PPARGC1A: variants seen among roughly 807,000 people sequenced by gnomAD.
The protein encoded by PPARGC1A is peroxisome proliferator-activated receptor gamma coactivator 1-alpha.
A neutral mutation model predicts 88.7 loss-of-function variants in PPARGC1A; 25 were observed. The ratio of observed to expected loss-of-function variants is 0.28; its 90% CI spans 0.21 to 0.39. The LOEUF is 0.39. Ranked by LOEUF, PPARGC1A falls within the 10% of genes least tolerant of loss-of-function variation. PPARGC1A has a pLI of 1.00. For synonymous variants in PPARGC1A, 363 were observed against 355.6 expected (o/e 1.02, Z -0.24); for missense variants, 880 against 968.7 (o/e 0.91, Z 1.22).
At chr4:24,286,954 G>A in the PPARGC1A span, among the ~76,000 whole-genome samples, 2 of 152,122 alleles carry the variant, frequency 1.3e-5, no homozygotes, top group African/African-American at 4.8e-5. Flanking sequence ...AAGAGAAAGA[G>A]ATCTTAAGAA....
chr4:24,318,342 G>A, the PPARGC1A span, among the ~76,000 whole-genome samples: 1 of 152,198 alleles, frequency 6.6e-6, no homozygotes, highest in Non-Finnish European at 1.5e-5. Flanking sequence ...AGGTCTCTGA[G>A]ACCATCTGTG....
the PPARGC1A span, among the ~76,000 whole-genome samples, chr4:24,225,733 T>C: frequency 6.6e-6 from 1 of 151,820 alleles, no homozygotes; most frequent in Non-Finnish European, 1.5e-5. Flanking sequence ...GGTGCTGAGA[T>C]GGGAAAGGCT....
At chr4:24,467,436 A>C in the PPARGC1A span, among the ~76,000 whole-genome samples, 1 of 152,216 alleles carries the variant, frequency 6.6e-6, no homozygotes, top group Non-Finnish European at 1.5e-5. Context: ...TTGAACTTTG[A>C]GGTATTGGCT....
chr4:24,286,575 A>T, the PPARGC1A span, among the ~76,000 whole-genome samples: 1 of 152,180 alleles, frequency 6.6e-6, no homozygotes, highest in African/African-American at 2.4e-5. Flanking sequence ...AAGCCCAAGG[A>T]CCAGCCAACG....
the PPARGC1A span, among the ~76,000 whole-genome samples, chr4:24,175,325 G>A: frequency 6.7e-6 from 1 of 149,922 alleles, no homozygotes; most frequent in Non-Finnish European, 1.5e-5. Context: ...CAACCATTGA[G>A]CTTACTCTGA....
the PPARGC1A span, among the ~76,000 whole-genome samples, chr4:24,250,206 T>C: frequency 2.0e-5 from 3 of 152,220 alleles, no homozygotes; most frequent in African/African-American, 4.8e-5. Flanking sequence ...AGGAACTCTG[T>C]AATTATCACA....
the PPARGC1A span, among the ~76,000 whole-genome samples, chr4:24,443,327 A>C: frequency 6.6e-6 from 1 of 151,458 alleles, no homozygotes; most frequent in Admixed American, 6.6e-5. Context: ...GGTCCAGTCC[A>C]GTGACCAGTG....
At chr4:24,252,806 A>G in the PPARGC1A span, among the ~76,000 whole-genome samples, 1 of 152,366 alleles carries the variant, frequency 6.6e-6, no homozygotes, top group Admixed American at 6.5e-5. Context: ...TTTGTAGGAC[A>G]GATACCTTAT....
intron 7 of PPARGC1A, 102 bp downstream of exon 7, chr4:23,824,178 T>C (rs1268410032): frequency 6.4e-6 from 6 of 934,552 alleles, no homozygotes; most frequent in Admixed American, 2.2e-5. Context: ...TATTCTTTGT[T>C]AATTTCATTA....
chr4:24,209,446 A>G, the PPARGC1A span, among the ~76,000 whole-genome samples: 4 of 152,196 alleles, frequency 2.6e-5, no homozygotes, highest in African/African-American at 9.6e-5. Flanking sequence ...AGCTGTGCAT[A>G]GGCTGCTACT....
the PPARGC1A span, among the ~76,000 whole-genome samples, chr4:24,150,427 G>C: frequency 6.6e-6 from 1 of 152,140 alleles, no homozygotes; most frequent in Non-Finnish European, 1.5e-5. Flanking sequence ...GAGACCTCTT[G>C]CTTTAGCTTT....
chr4:24,052,538 G>A, the PPARGC1A span, among the ~76,000 whole-genome samples: 1 of 151,762 alleles, frequency 6.6e-6, no homozygotes, highest in African/African-American at 2.4e-5. Context: ...TTGACAGGCT[G>A]AGACAGGAGA....
the PPARGC1A span, among the ~76,000 whole-genome samples, chr4:24,161,269 C>T: frequency 6.6e-6 from 1 of 152,200 alleles, no homozygotes; most frequent in East Asian, 1.9e-4. Context: ...TAGCTATGTA[C>T]TCTCCCACCT....
At chr4:24,096,847 GA>G in the PPARGC1A span, among the ~76,000 whole-genome samples, 3 of 152,134 alleles carry the variant, frequency 2.0e-5, no homozygotes, top group African/African-American at 7.2e-5. Context: ...TTTTCTTTAT[GA>G]AAAAGTTATA....
the PPARGC1A span, among the ~76,000 whole-genome samples, chr4:24,177,761 C>T: frequency 6.6e-6 from 1 of 151,140 alleles, no homozygotes; most frequent in South Asian, 2.1e-4. Context: ...GGCAGGCATA[C>T]AAGTGATAAG....
At chr4:24,125,978 C>T in the PPARGC1A span, among the ~76,000 whole-genome samples, 2 of 152,180 alleles carry the variant, frequency 1.3e-5, no homozygotes, top group South Asian at 2.1e-4. Context: ...TCCTGGCGGG[C>T]TTTGAAATGA....
At chr4:23,859,548 G>A (rs555639609) in intron 2 of PPARGC1A, among the ~76,000 whole-genome samples, 55 of 152,216 alleles carry the variant, frequency 3.6e-4, no homozygotes, top group Admixed American at 8.5e-4. Context: ...TTGGGAGGTC[G>A]AGGTGGGTGG....
At chr4:24,111,107 C>T in the PPARGC1A span, among the ~76,000 whole-genome samples, 181 of 152,192 alleles carry the variant, frequency 1.2e-3, 4 homozygotes, top group South Asian at 0.035. Flanking sequence ...TTGCATTGCC[C>T]TAGGGAGATT....
the PPARGC1A span, among the ~76,000 whole-genome samples, chr4:24,349,401 G>C: frequency 2.6e-5 from 4 of 152,282 alleles, no homozygotes; most frequent in African/African-American, 9.6e-5. Flanking sequence ...TACCAGGGTG[G>C]ATAGGGAAGG....
Sources: allele counts gnomAD v4.1 joint callset (sites outside exome capture counted in the v4.1 genomes callset), GRCh38; gene constraint gnomAD v4.1.1; transcripts MANE v1.5; gene names NCBI Gene and HGNC (gene_info 2026-07-23, HGNC 2026-07-21).